CRYBG1: variants seen among roughly 807,000 people sequenced by gnomAD.
The protein encoded by CRYBG1 is beta/gamma crystallin domain-containing protein 1.
In CRYBG1, 139 loss-of-function variants were observed where a neutral mutation model predicts 189.2. The ratio of observed to expected loss-of-function variants is 0.73; its 90% CI spans 0.64 to 0.85. CRYBG1 has a LOEUF of 0.85. CRYBG1 is among the 40% of genes least tolerant of loss of function. The pLI is 0.00. For synonymous variants in CRYBG1, 1,023 were observed against 1,017.1 expected, an observed-to-expected ratio of 1.01 and a Z score of -0.11; for missense variants, 2,611 against 2,675.8, an observed-to-expected ratio of 0.98 and a Z score of 0.53.
intron 1 of CRYBG1, among the ~76,000 whole-genome samples, chr6:106,400,391 A>G (rs1770700328): frequency 6.6e-6 from 1 of 152,158 alleles, no homozygotes; most frequent in Admixed American, 6.5e-5. Flanking sequence ...TATCTTTAAT[A>G]TTAGTGTAAT....
chr6:106,467,763 C>A (rs1772143214), intron 2 of CRYBG1, among the ~76,000 whole-genome samples: 1 of 151,830 alleles, frequency 6.6e-6, no homozygotes, highest in South Asian at 2.1e-4. Flanking sequence ...CAAAATCTGA[C>A]CTGAACTGAT....
intron 1 of CRYBG1, among the ~76,000 whole-genome samples, chr6:106,364,778 A>G (rs1036930954): frequency 6.6e-6 from 1 of 152,214 alleles, no homozygotes; most frequent in African/African-American, 2.4e-5. Flanking sequence ...ACTTGGATTT[A>G]AATTCTTGTT....
rs558048692 is a variant in CRYBG1 at position 106,531,106 on chromosome 6, G to A, written c.4718+791G>A. ...ATACAGTCAAAAAAGTTTACAGCCT[G>A]TCCCTAAAGTGGTATGGAGTATCTC... On this transcript the variant is annotated intron_variant, in intron 8 of 21. Transcript: ENST00000633556. Among the ~76,000 whole-genome samples, 15 of 152,330 alleles carry A rather than the reference G, an allele frequency of 9.8e-5. No individual in the cohort carries two copies. In the South Asian group the frequency reaches 3.1e-3, roughly 32 times the overall value.
intron 1 of CRYBG1, among the ~76,000 whole-genome samples, chr6:106,407,129 T>G (rs1355798064): frequency 6.6e-6 from 1 of 152,128 alleles, no homozygotes; most frequent in Non-Finnish European, 1.5e-5. Context: ...TGTGCTGTAT[T>G]CAGGAGACCC....
chr6:106,406,131 A>C (rs1347830167), intron 1 of CRYBG1, among the ~76,000 whole-genome samples: 3 of 152,212 alleles, frequency 2.0e-5, no homozygotes, highest in African/African-American at 7.2e-5. Flanking sequence ...AGAACCTTGA[A>C]AAAAGGTTAG....
chr6:106,523,257 G>T (rs1221518839), intron 4 of CRYBG1, among the ~76,000 whole-genome samples: 1 of 152,066 alleles, frequency 6.6e-6, no homozygotes, highest in African/African-American at 2.4e-5. Flanking sequence ...AAACAAATAA[G>T]ACTGAATCAG....
intron 15 of CRYBG1, 53 bp downstream of exon 15, chr6:106,552,269 A>G: frequency 8.0e-7 from 1 of 1,251,152 alleles, no homozygotes; most frequent in Non-Finnish European, 1.1e-6. Flanking sequence ...TTCCATTGAA[A>G]AGCTGAACTT....
At chr6:106,544,972 T>A (rs768676412) in intron 13 of CRYBG1, 39 bp downstream of exon 13, 1 of 1,552,974 alleles carries the variant, frequency 6.4e-7, no homozygotes, top group South Asian at 1.2e-5. Context: ...AAACATGCGT[T>A]TTACCTTGGT....
chr6:106,468,890 A>G (rs1772166271), intron 2 of CRYBG1, among the ~76,000 whole-genome samples: 1 of 152,150 alleles, frequency 6.6e-6, no homozygotes, highest in Non-Finnish European at 1.5e-5. Context: ...CTTCTTTTGT[A>G]TTCTTACTCC....
intron 2 of CRYBG1, among the ~76,000 whole-genome samples, chr6:106,490,953 C>T (rs1224135434): frequency 6.6e-6 from 1 of 152,188 alleles, no homozygotes; most frequent in Non-Finnish European, 1.5e-5. Context: ...TGGAAAGTAA[C>T]TAAAACTGGC....
intron 1 of CRYBG1, among the ~76,000 whole-genome samples, chr6:106,399,657 T>TA (rs1770684256): frequency 1.2e-5 from 1 of 85,018 alleles, no homozygotes; most frequent in African/African-American, 4.8e-5. Flanking sequence ...AGTTTTTCTT[T>TA]CTTTTTTTTT....
intron 2 of CRYBG1, among the ~76,000 whole-genome samples, chr6:106,501,406 T>G (rs1773008013): frequency 6.6e-6 from 1 of 152,238 alleles, no homozygotes; most frequent in African/African-American, 2.4e-5. Context: ...AGCAATGATA[T>G]GCCAAGTTCT....
intron 1 of CRYBG1, among the ~76,000 whole-genome samples, chr6:106,427,924 C>A (rs1444424448): frequency 2.0e-5 from 3 of 152,164 alleles, no homozygotes; most frequent in African/African-American, 4.8e-5. Context: ...AGCCTTTGTG[C>A]TTGCTGTTCC....
rs188750799 is a variant in CRYBG1, at chr6:106,432,442, G to A, written c.174-19252G>A. Among the ~76,000 whole-genome samples the A allele has an allele frequency of 7.2e-5, 11 of 152,248 alleles. No individual in the cohort carries two copies. The East Asian group carries it at 2.1e-3, about 29-fold the overall frequency. On this transcript the variant is annotated intron_variant, in intron 1 of 21. Coordinates refer to ENST00000633556, the MANE Select transcript of CRYBG1 (RefSeq NM_001371242.2). ...ATCCCTTCTCAGACATCTGTTGAGG[G>A]CCTTCCATGTGAATTCATTGTCCTA...
chr6:106,543,455 A>C lies in CRYBG1; in HGVS notation c.4897A>C (p.Lys1633Gln). The change falls in exon 11 of 22, where the codon AAG (lysine) becomes CAG (glutamine). Residue 1633 changes from lysine to glutamine, a missense_variant. Lys to Gln is a moderately conservative substitution (Grantham distance 53). Transcript: ENST00000633556. ...PTDPKVVVYE[K>Q]PFFEGKCVEL... Reference sequence around the variant, plus strand: ...TCTATTGTAGGTAGTTGTTTATGAAAAGCCTTTCTTTGAAGGAAAATGTGT... The same window carrying C: ...TCTATTGTAGGTAGTTGTTTATGAACAGCCTTTCTTTGAAGGAAAATGTGT... The C allele has an allele frequency of 1.2e-6, 2 of 1,613,648 alleles. No individual in the cohort carries two copies. The highest frequency in any genetic ancestry group is 1.7e-6 in the Non-Finnish European group (2 of 1,179,634).
chr6:106,560,989 C>G, intron 19 of CRYBG1, 63 bp downstream of exon 19: 1 of 1,472,258 alleles, frequency 6.8e-7, no homozygotes, highest in Non-Finnish European at 9.1e-7. Flanking sequence ...TAAATGCAAT[C>G]CAACTTTTTA....
chr6:106,454,500 C>T (rs988758191), intron 2 of CRYBG1, among the ~76,000 whole-genome samples: 5 of 152,184 alleles, frequency 3.3e-5, no homozygotes, highest in African/African-American at 9.6e-5. Flanking sequence ...TCCAAATTAC[C>T]CTTCTCTGAA....
chr6:106,444,409 C>T (rs544746739), intron 1 of CRYBG1, among the ~76,000 whole-genome samples: 3 of 152,302 alleles, frequency 2.0e-5, no homozygotes, highest in South Asian at 2.1e-4. Context: ...AAAACCGAGC[C>T]GTTCCTTGAG....
chr6:106,427,635 C>T (rs1771250720), intron 1 of CRYBG1, among the ~76,000 whole-genome samples: 1 of 152,176 alleles, frequency 6.6e-6, no homozygotes, highest in African/African-American at 2.4e-5. Flanking sequence ...CTACTGTCTC[C>T]ACCGAAGTCA....
Sources: allele counts gnomAD v4.1 joint callset (sites outside exome capture counted in the v4.1 genomes callset), GRCh38; gene constraint gnomAD v4.1.1; transcripts MANE v1.5; gene names NCBI Gene and HGNC (gene_info 2026-07-23, HGNC 2026-07-21).